Variants in SYNPO2L observed in about 807,000 individuals in gnomAD.
SYNPO2L encodes the protein synaptopodin 2-like protein.
A neutral mutation model predicts 47.5 loss-of-function variants in SYNPO2L; 34 were observed. The ratio of observed to expected loss-of-function variants is 0.72; its 90% confidence interval spans 0.54 to 0.95. The LOEUF (loss-of-function observed/expected upper bound fraction) is 0.95, where lower values mean the gene tolerates loss of function less well. Among genes scored for constraint, SYNPO2L ranks in the 40% least tolerant of loss-of-function variants. The pLI is 0.00. For synonymous variants in SYNPO2L, 536 were observed against 524.9 expected (o/e 1.02, Z -0.29); for missense variants, 1,246 against 1,282.0 (o/e 0.97, Z 0.43).
intron 3 of SYNPO2L, chr10:73,650,073 G>C (rs2081827629): frequency 1.0e-6 from 1 of 985,304 alleles, no homozygotes; most frequent in South Asian, 4.7e-5. Context: ...TGGGGCCTGG[G>C]TAGGTGGGGC....
chr10:73,646,846 G>C lies in SYNPO2L; in HGVS notation c.2806C>G (p.Pro936Ala), dbSNP rs368478557. Residue 936 changes from proline to alanine, a missense_variant, in exon 4 of 4, where the codon CCA becomes GCA. This residue lies in a region of SYNPO2L where 1,037 missense variants were observed against 1,021.5 expected (regional missense o/e 1.02). Transcript: ENST00000394810. ...SAPVPSPAPP[P>A]EAPRGLGASP... ...GCCCCAAGGCCCCTGGGAGCCTCTG[G>C]AGGAGGGGCTGGGCTAGGAACAGGG... is the stretch of plus-strand genomic sequence containing the variant. 1 of 1,551,110 alleles carries C rather than the reference G, an allele frequency of 6.4e-7. No homozygotes were observed. Among genetic ancestry groups the C allele is most frequent in the African/African-American group, 1.4e-5 (1 of 72,298 alleles).
intron 3 of SYNPO2L, chr10:73,649,800 C>T: frequency 1.0e-6 from 1 of 985,426 alleles, no homozygotes; most frequent in South Asian, 4.7e-5. Context: ...CTTCACACCC[C>T]TGCTACTCAC....
intron 1 of SYNPO2L, among the ~76,000 whole-genome samples, chr10:73,654,494 G>A (rs1464066817): frequency 6.6e-6 from 1 of 152,116 alleles, no homozygotes; most frequent in Non-Finnish European, 1.5e-5. Flanking sequence ...TGGGAAATAG[G>A]GTAACCATTG....
Position 73,647,557 on chromosome 10 carries a change from G to A in SYNPO2L, c.2095C>T (p.Pro699Ser), listed in dbSNP as rs764517172. The A allele has an allele frequency of 1.9e-6, 3 of 1,606,658 alleles. No homozygotes were observed. Among genetic ancestry groups the A allele is most frequent in the South Asian group, 2.2e-5 (2 of 90,646 alleles). The change falls in exon 4 of 4, where the codon CCT (proline) becomes TCT (serine). Residue 699 changes from proline to serine, a missense_variant. Physicochemically the swap from Pro to Ser is moderately conservative, Grantham distance 74. Transcript: ENST00000394810. ...PVGARSYKTL[P>S]HVTPKTPPPM... Reference sequence around the variant, plus strand: ...GGGGGGGTCTTAGGTGTCACGTGAGGCAGGGTCTTGTAACTCCTGGCCCCT... The same window carrying A: ...GGGGGGGTCTTAGGTGTCACGTGAGACAGGGTCTTGTAACTCCTGGCCCCT...
chr10:73,655,448 T>G (rs2081871222), intron 1 of SYNPO2L, among the ~76,000 whole-genome samples: 2 of 152,008 alleles, frequency 1.3e-5, no homozygotes, highest in South Asian at 2.1e-4. Flanking sequence ...ATCAGTTTAG[T>G]CAGAGAGAAA....
Position 73,648,316 on chromosome 10 carries a change from T to C in SYNPO2L, c.1336A>G (p.Ser446Gly), listed in dbSNP as rs1564992306. 6.2e-7 allele frequency: 1 copy of C among 1,604,874 alleles called. No individual in the cohort carries two copies. Residue 446 changes from serine (S) to glycine (G), a missense_variant, in exon 4 of 4, where the codon AGC (serine) becomes GGC (glycine). Physicochemically the swap from Ser to Gly is moderately conservative, Grantham distance 56. This residue lies in a region of SYNPO2L where 1,037 missense variants were observed against 1,021.5 expected (regional missense o/e 1.02). Transcript: ENST00000394810. ...CCACCTGGTTGGAAGGGTCTGGGGC[T>C]GGCTACAGGCGCCGGCAAGGGGCTG... is the stretch of plus-strand genomic sequence containing the variant. ...PPSPLPAPVA[S>G]PRPFQPGGGA...
intron 3 of SYNPO2L, chr10:73,650,589 T>G: frequency 2.8e-6 from 2 of 720,606 alleles, no homozygotes; most frequent in Non-Finnish European, 3.4e-6. Context: ...TATACTTTCT[T>G]GATATATATG....
Position 73,645,334 on chromosome 10 carries a change from T to C in SYNPO2L, c.*1384A>G. On this transcript the variant is annotated 3_prime_UTR_variant, in exon 4 of 4. Coordinates refer to ENST00000394810, the MANE Select transcript of SYNPO2L (RefSeq NM_001114133.3). The stretch of plus-strand genomic sequence containing the variant: ...CGGTTGGTTTCTTGTTACTCAACTT[T>C]ACCTTCTCCCAATATGGCATTGTCC... 7 of 1,067,458 alleles carry C rather than the reference T, an allele frequency of 6.6e-6. No homozygotes were observed. The highest frequency in any genetic ancestry group is 8.0e-6 in the Non-Finnish European group (7 of 879,428). The allele number at this position is 1,067,458 out of a possible 1,614,324, so 66.1% of individuals were successfully genotyped here.
Position 73,648,147 on chromosome 10 carries a change from AG to A in SYNPO2L, c.1504del (p.Leu502SerfsTer43). 6.5e-7 allele frequency: 1 copy of A among 1,542,876 alleles called. No individual in the cohort carries two copies. The highest frequency in any genetic ancestry group is 1.2e-5 in the South Asian group (1 of 80,110). ...CAAGAAGGGGGGTGGGGCGGGGCTG[AG>A]GCCCCCCAGGCTGTCGTTCGCCCTT... is the stretch of plus-strand genomic sequence containing the variant. ...PKRANDSLGG[L>X]SPAPPPFLSS... On this transcript the variant is annotated frameshift_variant, in exon 4 of 4. Coordinates refer to ENST00000394810, the MANE Select transcript of SYNPO2L (RefSeq NM_001114133.3). LOFTEE classifies it low-confidence loss of function (END_TRUNC).
Position 73,645,940 on chromosome 10 carries a change from T to C in SYNPO2L, c.*778A>G. 1.1e-6 allele frequency: 1 copy of C among 879,506 alleles called. No individual in the cohort carries two copies. The highest frequency in any genetic ancestry group is 1.4e-6 in the Non-Finnish European group (1 of 733,012). 54.5% of individuals were successfully genotyped at this position (879,506 alleles called of 1,614,324 possible). A position where few individuals can be genotyped will look rare whatever the true frequency, so the allele number is the denominator to read the frequency against. ...TCCAGGTTCATGCCATTCTCCTGCC[T>C]CAGCCTCCCGAGTAGCTGGGACTAC... On this transcript the variant is annotated 3_prime_UTR_variant, in exon 4 of 4. Transcript: ENST00000394810.
rs773749873 is a variant in SYNPO2L at position 73,646,921 on chromosome 10, C to T, written c.2731G>A (p.Ala911Thr). 5.7e-6 allele frequency: 9 copies of T among 1,585,862 alleles called. No homozygotes were observed. In the East Asian group the frequency reaches 1.6e-4, roughly 28 times the overall value. ...PLAPTVLAPR[A>T]ATTLDEPIWR... ...ATGGGCTCATCCAGTGTAGTGGCTGCTCGGGGGGCAAGCACAGTGGGAGCC... is the reference window on the plus strand; with the variant it reads ...ATGGGCTCATCCAGTGTAGTGGCTGTTCGGGGGGCAAGCACAGTGGGAGCC... The change falls in exon 4 of 4, where the codon GCA (alanine) becomes ACA (threonine). Residue 911 changes from alanine to threonine, a missense_variant. By Grantham distance (58) the Ala-to-Thr change is moderately conservative (BLOSUM62 0). Coordinates refer to ENST00000394810, the MANE Select transcript of SYNPO2L (RefSeq NM_001114133.3).
rs1047687605 is a variant in SYNPO2L at position 73,646,100 on chromosome 10, C to T, written c.*618G>A. The T allele has an allele frequency of 1.7e-5, 17 of 985,146 alleles. 1 individual carries two copies. In the East Asian group the frequency reaches 9.1e-4, roughly 53 times the overall value. The allele number at this position is 985,146 out of a possible 1,614,324, so 61.0% of individuals were successfully genotyped here. A position where few individuals can be genotyped will look rare whatever the true frequency, so the allele number is the denominator to read the frequency against. On this transcript the variant is annotated 3_prime_UTR_variant, in exon 4 of 4. Transcript: ENST00000394810. ...CGGCCTCCCAAAGTGCTGGGATTAC[C>T]GGCGTGAGCCACCGTGCCCGGCCTC...
chr10:73,653,742 G>A (rs1260688210), intron 2 of SYNPO2L, 89 bp from the exon 3 acceptor site: 8 of 1,420,970 alleles, frequency 5.6e-6, no homozygotes, highest in Non-Finnish European at 7.4e-6. Flanking sequence ...GAGGTAAGGG[G>A]GAGGGAAGAG....
Position 73,655,852 on chromosome 10 carries a change from C to G in SYNPO2L, c.71G>C (p.Gly24Ala), listed in dbSNP as rs1385189595. ...GAPWGFRLHG[G>A]AEQRKPLQVS... is the part of the protein sequence containing the mutation. ...CTGTAACGGTTTCCTCTGCTCGGCC[C>G]CCCCATGAAGTCGGAAGCCCCAGGG... is the stretch of plus-strand genomic sequence containing the variant. Residue 24 changes from glycine (G) to alanine (A), a missense_variant, in exon 1 of 4, where the codon GGG becomes GCG. Physicochemically the swap from Gly to Ala is moderately conservative, Grantham distance 60. This residue lies in a region of SYNPO2L where 61 missense variants were observed against 55.6 expected (regional missense o/e 1.10). Transcript: ENST00000394810. 3 of 1,551,294 alleles carry G rather than the reference C, an allele frequency of 1.9e-6. No homozygotes were observed.
chr10:73,654,817 G>A (rs1044776128), intron 1 of SYNPO2L, among the ~76,000 whole-genome samples: 3 of 151,590 alleles, frequency 2.0e-5, no homozygotes, highest in African/African-American at 7.3e-5. Flanking sequence ...TCCAGCCTGG[G>A]CAACAGAGTA....
In SYNPO2L at chr10:73,648,199, C is replaced by A; in HGVS notation, c.1453G>T (p.Val485Phe). 6.4e-7 allele frequency: 1 copy of A among 1,573,076 alleles called. No homozygotes were observed. The change falls in exon 4 of 4, where the codon GTT (valine) becomes TTT (phenylalanine). Residue 485 changes from valine (V) to phenylalanine (F), a missense_variant. Around this residue, in one of 3 missense-constraint regions of SYNPO2L, gnomAD observed 1,037 missense variants for 1,021.5 expected, o/e 1.02. Transcript: ENST00000394810. ...TTGGGGGCTAAAGGCCGGAAAATAACCGAGGTGGTAGTTGGCCGCTGCCCT... is the reference window on the plus strand; with the variant it reads ...TTGGGGGCTAAAGGCCGGAAAATAAACGAGGTGGTAGTTGGCCGCTGCCCT... ...LQGQRPTTTS[V>F]IFRPLAPKRA...
chr10:73,649,777 G>A, intron 3 of SYNPO2L: 1 of 985,342 alleles, frequency 1.0e-6, no homozygotes, highest in African/African-American at 1.7e-5. Context: ...AACTGCCAGG[G>A]CAGTCCTCTG....
chr10:73,647,507 G>C lies in SYNPO2L; in HGVS notation c.2145C>G (p.Pro715=). The change falls in exon 4 of 4, where the codon CCC becomes CCG. Residue 715 remains proline (P), a synonymous_variant. Transcript: ENST00000394810. ...TPPPMAPKTP[P]PMTPKTPPPV... ...GGGGTGGAGTCTTAGGAGTCATAGG[G>C]GGCGGGGTCTTGGGAGCCATTGGAG... 2 of 1,587,236 alleles carry C rather than the reference G, an allele frequency of 1.3e-6. No homozygotes were observed. The highest frequency in any genetic ancestry group is 8.6e-7 in the Non-Finnish European group (1 of 1,164,074).
intron 3 of SYNPO2L, chr10:73,650,170 A>G: frequency 1.0e-6 from 1 of 985,366 alleles, no homozygotes; most frequent in Non-Finnish European, 1.2e-6. Context: ...CCTCCTGAAA[A>G]ATTATTGAGA....
Sources: allele counts gnomAD v4.1 joint callset (sites outside exome capture counted in the v4.1 genomes callset), GRCh38; gene constraint gnomAD v4.1.1; regional missense constraint gnomAD v4.1.1; transcripts MANE v1.5; gene names NCBI Gene and HGNC (gene_info 2026-07-23, HGNC 2026-07-21).